ASPH: variants seen among roughly 807,000 people sequenced by gnomAD.
ASPH encodes aspartate beta-hydroxylase, also known as aspartyl/asparaginyl beta-hydroxylase.
Under a neutral mutation model 118.4 loss-of-function variants are expected in ASPH, and 100 were observed. The ratio of observed to expected loss-of-function variants is 0.84; its 90% confidence interval spans 0.72 to 1.00. The LOEUF is 1.00. Among genes scored for constraint, ASPH ranks in the 50% least tolerant of loss-of-function variants. The probability of loss-of-function intolerance (pLI) is 0.00; values close to 1 mark genes in which losing one functional copy is unlikely to be tolerated. For missense variants in ASPH, 920 were observed against 919.5 expected, an observed-to-expected ratio of 1.00 and a Z score of -0.01; for synonymous variants, 315 against 325.6, an observed-to-expected ratio of 0.97 and a Z score of 0.35.
At chr8:61,598,329 A>G (rs765014385) in intron 14 of ASPH, among the ~76,000 whole-genome samples, 2 of 152,224 alleles carry the variant, frequency 1.3e-5, no homozygotes, top group Non-Finnish European at 2.9e-5. Flanking sequence ...GCAGGCAAAT[A>G]CAAACCAAAA....
At chr8:61,574,492 T>A (rs1045105909) in intron 16 of ASPH, among the ~76,000 whole-genome samples, 1 of 152,134 alleles carries the variant, frequency 6.6e-6, no homozygotes, top group African/African-American at 2.4e-5. Context: ...ATGTGGCACA[T>A]ATACACCATG....
chr8:61,521,854 T>C (rs1813165450), intron 22 of ASPH, among the ~76,000 whole-genome samples: 1 of 152,228 alleles, frequency 6.6e-6, no homozygotes, highest in Non-Finnish European at 1.5e-5. Context: ...CTGGGTTGTA[T>C]CTTTTATAAA....
intron 17 of ASPH, among the ~76,000 whole-genome samples, chr8:61,565,165 T>G (rs993028976): frequency 1.3e-5 from 2 of 152,228 alleles, no homozygotes; most frequent in African/African-American, 4.8e-5. Context: ...GTCTTTAGAT[T>G]GTAGCCTCCT....
At chr8:61,510,838 AGTGATGACCT>A (rs1191539027) in intron 24 of ASPH, among the ~76,000 whole-genome samples, 1 of 152,232 alleles carries the variant, frequency 6.6e-6, no homozygotes, top group Non-Finnish European at 1.5e-5. Flanking sequence ...GGCAGGCTTC[AGTGATGACCT>A]GTGGATAAGG....
At chr8:61,646,271 A>G (rs1807911847) in intron 6 of ASPH, among the ~76,000 whole-genome samples, 1 of 152,212 alleles carries the variant, frequency 6.6e-6, no homozygotes, top group Non-Finnish European at 1.5e-5. Flanking sequence ...GAGTAGCTGA[A>G]CAGAGTCTGT....
At chr8:61,676,143 C>A in intron 3 of ASPH, 1 of 1,599,458 alleles carries the variant, frequency 6.3e-7, no homozygotes, top group Admixed American at 1.7e-5. Context: ...GACGTACCAT[C>A]AACACCATCT....
At chr8:61,585,409 C>T (rs1839107624) in intron 14 of ASPH, among the ~76,000 whole-genome samples, 1 of 152,142 alleles carries the variant, frequency 6.6e-6, no homozygotes, top group African/African-American at 2.4e-5. Flanking sequence ...TTAAAACAAT[C>T]AGAAGAGAAC....
At chr8:61,582,466 G>A (rs1173843493) in intron 15 of ASPH, among the ~76,000 whole-genome samples, 1 of 152,164 alleles carries the variant, frequency 6.6e-6, no homozygotes, top group Non-Finnish European at 1.5e-5. Context: ...AATACAAACT[G>A]ACCACAAACA....
chr8:61,681,188 G>T (rs1346459368), intron 2 of ASPH, 152 bp from the exon 3 acceptor site: 1 of 523,102 alleles, frequency 1.9e-6, no homozygotes, highest in East Asian at 3.4e-5. Flanking sequence ...AGTGTCAAAT[G>T]AATATCTTAC....
intron 2 of ASPH, chr8:61,682,575 A>G (rs947680157): frequency 7.4e-6 from 9 of 1,215,340 alleles, no homozygotes; most frequent in Admixed American, 3.5e-5. Context: ...CCCTAACAAC[A>G]TATCACTGTA....
intron 3 of ASPH, chr8:61,656,327 G>C (rs908835201): frequency 8.5e-5 from 13 of 152,220 alleles, no homozygotes; most frequent in African/African-American, 3.1e-4. Flanking sequence ...GGAGGCGGCT[G>C]ACTGCATCGC....
In ASPH at chr8:61,659,985, T is replaced by A. The variant is rs188632002; in HGVS notation, c.323-6325A>T. The A allele has an allele frequency of 3.9e-4, 59 of 152,148 alleles. 1 individual carries two copies. In the East Asian group the frequency reaches 0.011, roughly 28 times the overall value. 9.4% of individuals were successfully genotyped at this position (152,148 alleles called of 1,614,324 possible). Reference sequence around the variant, plus strand: ...CTCTTCTCCCTAGCTTTTTTTTTTTTAATTTTTAAATATAACTTCAACTTC... The same window carrying A: ...CTCTTCTCCCTAGCTTTTTTTTTTTAAATTTTTAAATATAACTTCAACTTC... On this transcript the variant is annotated intron_variant, in intron 3 of 24. Transcript: ENST00000379454.
chr8:61,584,203 A>G (rs1450841316), intron 14 of ASPH, among the ~76,000 whole-genome samples, 174 bp from the exon 15 acceptor site: 1 of 152,156 alleles, frequency 6.6e-6, no homozygotes, highest in East Asian at 1.9e-4. Flanking sequence ...TGATGAAGTC[A>G]GTGACTGCCA....
intron 24 of ASPH, among the ~76,000 whole-genome samples, chr8:61,509,522 C>A (rs572128875): frequency 6.6e-6 from 1 of 152,254 alleles, no homozygotes; most frequent in Admixed American, 6.5e-5. Context: ...TGGGTTTTAG[C>A]CGGCTTCTTT....
At chr8:61,596,941 ATAC>A (rs1213695207) in intron 14 of ASPH, among the ~76,000 whole-genome samples, 1 of 152,166 alleles carries the variant, frequency 6.6e-6, no homozygotes, top group East Asian at 1.9e-4. Flanking sequence ...CAGAATAATA[ATAC>A]TAAAGAAACT....
rs557817791 is a variant in ASPH, at chr8:61,517,549, A to G, written c.2105T>C (p.Ile702Thr). 2.8e-5 allele frequency: 45 copies of G among 1,614,046 alleles called. No homozygotes were observed. Among genetic ancestry groups the G allele is most frequent in the Non-Finnish European group, 3.6e-5 (43 of 1,179,992 alleles). ...ATACTTGGTCTCGTTGGCACATCGA[A>G]TCTTGCAGCCTTCCTTGGGAATCAC... ...GLVIPKEGCK[I>T]RCANETKTWE... The change falls in exon 24 of 25, where the codon ATT (isoleucine) becomes ACT (threonine). Residue 702 changes from isoleucine to threonine, a missense_variant. By Grantham distance (89) the Ile-to-Thr change is moderately conservative (BLOSUM62 -1). Coordinates refer to ENST00000379454, the MANE Select transcript of ASPH (RefSeq NM_004318.4).
intron 14 of ASPH, among the ~76,000 whole-genome samples, chr8:61,599,844 A>C (rs2133378585): frequency 6.6e-6 from 1 of 152,294 alleles, no homozygotes; most frequent in East Asian, 1.9e-4. Flanking sequence ...TTAAAGAACT[A>C]ACACCAATTC....
intron 18 of ASPH, among the ~76,000 whole-genome samples, chr8:61,562,432 A>C (rs1297974492): frequency 6.9e-6 from 1 of 145,436 alleles, no homozygotes; most frequent in Non-Finnish European, 1.5e-5. Flanking sequence ...ATTCACAGGA[A>C]CTTAAATTCT....
intron 17 of ASPH, among the ~76,000 whole-genome samples, chr8:61,564,917 T>G (rs564068514): frequency 1.6e-3 from 245 of 152,340 alleles, no homozygotes; most frequent in African/African-American, 5.7e-3. Flanking sequence ...GTAACTATCT[T>G]GCCAGCCGAG....
Sources: allele counts gnomAD v4.1 joint callset (sites outside exome capture counted in the v4.1 genomes callset), GRCh38; gene constraint gnomAD v4.1.1; transcripts MANE v1.5; gene names NCBI Gene and HGNC (gene_info 2026-07-23, HGNC 2026-07-21).